Variants in GJE1 observed in about 807,000 individuals in gnomAD.
GJE1 encodes gap junction epsilon-1 protein.
In GJE1, 9 loss-of-function variants were observed where a neutral mutation model predicts 6.2. The observed-to-expected ratio is 1.45, with a 90% CI of 0.87 to 2.52. GJE1 has a LOEUF of 2.52. GJE1 is among the 30% of genes most tolerant of loss of function. The pLI, the probability that GJE1 is intolerant of heterozygous loss-of-function variation, is 0.00. For missense variants in GJE1, 190 were observed against 87.7 expected (o/e 2.17, Z -4.66); for synonymous variants, 65 against 30.1 (o/e 2.16, Z -3.80).
chr6:142,133,460 T>C (rs1040187891), intron 1 of GJE1, among the ~76,000 whole-genome samples: 1 of 152,322 alleles, frequency 6.6e-6, no homozygotes, highest in Admixed American at 6.5e-5. Context: ...CTACAATTAA[T>C]AAACATTATT....
At chr6:142,134,489 T>A (rs865994074) in intron 2 of GJE1, 50 bp from the exon 3 acceptor site, 7 of 476,986 alleles carry the variant, frequency 1.5e-5, no homozygotes, top group African/African-American at 1.2e-4. Flanking sequence ...TAGTTACATA[T>A]TGATTAATTG....
At chr6:142,134,879 T>C (rs1778222237) in exon 3 of GJE1, 1 of 624,282 alleles carries the variant, frequency 1.6e-6, no homozygotes, top group Admixed American at 2.9e-5. Context: ...GCTGAGATTT[T>C]TGAGATCATA....
At chr6:142,134,773 A>G (rs1214814714) in exon 3 of GJE1, 3 of 692,942 alleles carry the variant, frequency 4.3e-6, no homozygotes, top group South Asian at 1.5e-5. Flanking sequence ...TGGGGAAAAC[A>G]TGATTATAAG....
exon 2 of GJE1, chr6:142,133,990 A>G: frequency 1.4e-6 from 1 of 702,542 alleles, no homozygotes; most frequent in Non-Finnish European, 2.6e-6. Flanking sequence ...AAAGAGAAGT[A>G]AACCTCTTCT....
chr6:142,133,681 G>C (rs1304696995), intron 1 of GJE1, among the ~76,000 whole-genome samples, 169 bp from the exon 2 acceptor site: 1 of 152,152 alleles, frequency 6.6e-6, no homozygotes, highest in Admixed American at 6.6e-5. Flanking sequence ...TTAAGAGTGA[G>C]AAATCTCATA....
chr6:142,134,979 C>G, exon 3 of GJE1: 1 of 497,420 alleles, frequency 2.0e-6, no homozygotes, highest in East Asian at 3.2e-5. Flanking sequence ...TTAGTTTTAT[C>G]TTACTCAGTG....
At chr6:142,134,078 C>T (rs1042111143) in intron 2 of GJE1, 34 bp downstream of exon 2, 2 of 567,096 alleles carry the variant, frequency 3.5e-6, no homozygotes, top group East Asian at 2.9e-5. Context: ...ACAACAAACT[C>T]ATTTTCTCTT....
At chr6:142,134,818 T>C (rs1414508711) in exon 3 of GJE1, 4 of 672,602 alleles carry the variant, frequency 5.9e-6, no homozygotes, top group Non-Finnish European at 1.1e-5. Flanking sequence ...AAAAACCATT[T>C]TTCTCATTGC....
chr6:142,135,325 T>C (rs1184125541), downstream of GJE1, among the ~76,000 whole-genome samples: 2 of 152,140 alleles, frequency 1.3e-5, no homozygotes, highest in Admixed American at 6.6e-5. Flanking sequence ...TGTGGAACTA[T>C]ACAGTTTTAA....
exon 2 of GJE1, chr6:142,134,017 G>C: frequency 1.4e-6 from 1 of 697,642 alleles, no homozygotes; most frequent in Non-Finnish European, 2.6e-6. Context: ...ATCAGTTCAG[G>C]CCAATCACTC....
exon 2 of GJE1, chr6:142,133,850 G>T (rs895600249): frequency 5.9e-6 from 4 of 673,790 alleles, no homozygotes; most frequent in South Asian, 3.1e-5. Context: ...ACCATAACAG[G>T]TTAAACCTCC....
chr6:142,135,026 G>A (rs1033133618), exon 3 of GJE1: 1 of 441,400 alleles, frequency 2.3e-6, no homozygotes, highest in African/African-American at 2.0e-5. Flanking sequence ...CAATGTGTCT[G>A]AAATTTTTGT....
exon 3 of GJE1, chr6:142,134,939 T>C (rs1390714395): frequency 1.9e-6 from 1 of 531,914 alleles, no homozygotes; most frequent in African/African-American, 1.9e-5. Flanking sequence ...AATTACCTAT[T>C]GTCATGCTGC....
exon 3 of GJE1, chr6:142,134,889 A>G (rs1047950464): frequency 8.2e-6 from 5 of 610,342 alleles, no homozygotes; most frequent in Non-Finnish European, 1.4e-5. Context: ...TTGAGATCAT[A>G]TTTAGAAGAT....
At chr6:142,132,993 C>G (rs897673174), upstream of GJE1, 1 of 435,262 alleles carries the variant, frequency 2.3e-6, no homozygotes, top group Non-Finnish European at 4.1e-6. Context: ...GAATGGGGCC[C>G]CAGAGATCTA....
exon 3 of GJE1, chr6:142,135,062 G>T: frequency 2.5e-6 from 1 of 405,132 alleles, no homozygotes; most frequent in Middle Eastern, 6.4e-4. Context: ...GTGCCTGGTT[G>T]TAAGGTAAGG....
At chr6:142,133,884 C>A (rs905364275) in exon 2 of GJE1, 5 of 701,618 alleles carry the variant, frequency 7.1e-6, no homozygotes, top group Non-Finnish European at 1.3e-5. Flanking sequence ...CAATTCCACA[C>A]CCTTTTCTTT....
At chr6:142,134,721 T>C in exon 3 of GJE1, 1 of 689,916 alleles carries the variant, frequency 1.4e-6, no homozygotes, top group Non-Finnish European at 2.6e-6. Flanking sequence ...ACCTCTTTGG[T>C]TTCCAAGTAA....
At chr6:142,134,170 T>G (rs954565643) in intron 2 of GJE1, 126 bp downstream of exon 2, 3 of 496,276 alleles carry the variant, frequency 6.0e-6, no homozygotes, top group Non-Finnish European at 1.1e-5. Flanking sequence ...TTTCTTTAAT[T>G]AGCTGTATAT....
Sources: allele counts gnomAD v4.1 joint callset (sites outside exome capture counted in the v4.1 genomes callset), GRCh38; gene constraint gnomAD v4.1.1; transcripts MANE v1.5; gene names NCBI Gene and HGNC (gene_info 2026-07-23, HGNC 2026-07-21).